The following CADM2 variants were observed in gnomAD, a reference collection of about 807,000 sequenced individuals.
CADM2 encodes the protein immunoglobulin superfamily member 4D.
Under a neutral mutation model 49.8 loss-of-function variants are expected in CADM2, and 12 were observed. That is an observed-to-expected ratio of 0.24 (90% confidence interval 0.15 to 0.39). The LOEUF is 0.39. Ranked by LOEUF, CADM2 falls within the 10% of genes least tolerant of loss-of-function variation. The pLI, the probability that CADM2 is intolerant of heterozygous loss-of-function variation, is 1.00. For missense variants in CADM2, 378 were observed against 492.3 expected, an observed-to-expected ratio of 0.77 and a Z score of 2.20; for synonymous variants, 214 against 175.4, an observed-to-expected ratio of 1.22 and a Z score of -1.74.
chr3:85,521,892 A>G (rs1284501329), intron 1 of CADM2, among the ~76,000 whole-genome samples: 1 of 152,024 alleles, frequency 6.6e-6, no homozygotes, highest in African/African-American at 2.4e-5. Flanking sequence ...ACTGAACCAC[A>G]CTTACTGATG....
At chr3:85,387,982 C>T (rs764595497) in intron 1 of CADM2, among the ~76,000 whole-genome samples, 1 of 152,112 alleles carries the variant, frequency 6.6e-6, no homozygotes, top group African/African-American at 2.4e-5. Flanking sequence ...AAGCTGCTCT[C>T]AGAATAGAAT....
At chr3:85,050,309 A>C (rs1317790656) in intron 1 of CADM2, among the ~76,000 whole-genome samples, 1 of 152,142 alleles carries the variant, frequency 6.6e-6, no homozygotes, top group Non-Finnish European at 1.5e-5. Flanking sequence ...CCCCACATGC[A>C]GAACACTTGT....
intron 1 of CADM2, among the ~76,000 whole-genome samples, chr3:85,574,703 T>C (rs1255393846): frequency 6.6e-6 from 1 of 152,186 alleles, no homozygotes; most frequent in Non-Finnish European, 1.5e-5. Flanking sequence ...ATATACCCAG[T>C]GTAAAATCCT....
intron 1 of CADM2, among the ~76,000 whole-genome samples, chr3:85,412,254 A>G (rs2035688276): frequency 6.6e-6 from 1 of 152,188 alleles, no homozygotes; most frequent in Admixed American, 6.5e-5. Context: ...CTTACCTCTC[A>G]AATGGATTAC....
chr3:84,959,005 C>CGCCGCTGCCGCT lies in CADM2; in HGVS notation c.-597_-586dup. 1 of 201,384 alleles carries CGCCGCTGCCGCT rather than the reference C, an allele frequency of 5.0e-6. No individual in the cohort carries two copies. The highest frequency in any genetic ancestry group is 6.8e-5 in the South Asian group (1 of 14,610). The allele number at this position is 201,384 out of a possible 1,614,324, so 12.5% of individuals were successfully genotyped here. ...TGGTGCTTCGTAGAGCTGCCGCCGT[C>CGCCGCTGCCGCT]GCCGCTGCCGCTGCCGCCACAGCCG... On this transcript the variant is annotated 5_prime_UTR_variant, in exon 1 of 10. Transcript: ENST00000383699.
At chr3:85,623,317 T>C (rs1010442570) in intron 1 of CADM2, among the ~76,000 whole-genome samples, 2 of 152,210 alleles carry the variant, frequency 1.3e-5, no homozygotes, top group African/African-American at 4.8e-5. Context: ...ATGTGCCTTT[T>C]CAAATGTATA....
intron 2 of CADM2, among the ~76,000 whole-genome samples, chr3:85,753,974 G>A (rs115869584): frequency 1.8e-3 from 268 of 152,264 alleles, no homozygotes; most frequent in African/African-American, 5.9e-3. Flanking sequence ...ATAGGTTGGC[G>A]TTCTTGCAGG....
intron 1 of CADM2, among the ~76,000 whole-genome samples, chr3:85,643,088 T>C (rs894184453): frequency 6.6e-6 from 1 of 152,174 alleles, no homozygotes; most frequent in African/African-American, 2.4e-5. Context: ...ATTATAATAT[T>C]GATTGTTCAT....
chr3:85,918,507 C>G (rs1028005627), intron 6 of CADM2, among the ~76,000 whole-genome samples: 1 of 152,166 alleles, frequency 6.6e-6, no homozygotes, highest in African/African-American at 2.4e-5. Context: ...ATGAAGCCCA[C>G]TTGATCATGG....
At chr3:85,603,251 T>C (rs1244122323) in intron 1 of CADM2, among the ~76,000 whole-genome samples, 1 of 151,960 alleles carries the variant, frequency 6.6e-6, no homozygotes, top group East Asian at 1.9e-4. Flanking sequence ...TGAGACTCTC[T>C]TTCCAGGCTG....
At chr3:85,659,569 T>G (rs2065334959) in intron 1 of CADM2, among the ~76,000 whole-genome samples, 1 of 152,052 alleles carries the variant, frequency 6.6e-6, no homozygotes, top group Admixed American at 6.6e-5. Flanking sequence ...TATTAGAAAT[T>G]TTCATTTTCT....
intron 1 of CADM2, among the ~76,000 whole-genome samples, chr3:85,694,263 G>C (rs2066481522): frequency 6.6e-6 from 1 of 152,184 alleles, no homozygotes; most frequent in African/African-American, 2.4e-5. Context: ...ACTGTATTTG[G>C]AGATAGGACC....
chr3:85,696,945 A>G (rs1003333545), intron 1 of CADM2, among the ~76,000 whole-genome samples: 1 of 151,784 alleles, frequency 6.6e-6, no homozygotes, highest in Non-Finnish European at 1.5e-5. Context: ...TCTTTAGAAA[A>G]TATTTTCATA....
intron 1 of CADM2, among the ~76,000 whole-genome samples, chr3:85,393,073 G>A (rs2034596637): frequency 8.2e-6 from 1 of 121,994 alleles, no homozygotes; most frequent in African/African-American, 2.9e-5. Context: ...AAACCTGGAG[G>A]CAAAAGTAAA....
At chr3:85,582,394 T>TG (rs2062824466) in intron 1 of CADM2, among the ~76,000 whole-genome samples, 1 of 151,872 alleles carries the variant, frequency 6.6e-6, no homozygotes, top group African/African-American at 2.4e-5. Flanking sequence ...TTCATTGATC[T>TG]GCTTGTTAAA....
chr3:85,465,625 A>C (rs2107598475), intron 1 of CADM2, among the ~76,000 whole-genome samples: 1 of 152,230 alleles, frequency 6.6e-6, no homozygotes, highest in South Asian at 2.1e-4. Flanking sequence ...TTTGTGCTTA[A>C]ATTTTATCTT....
chr3:85,917,234 T>C (rs1316377651), intron 6 of CADM2, among the ~76,000 whole-genome samples: 1 of 152,178 alleles, frequency 6.6e-6, no homozygotes, highest in Admixed American at 6.5e-5. Flanking sequence ...AGTCATGAAG[T>C]CCTTGCCCAT....
intron 1 of CADM2, among the ~76,000 whole-genome samples, chr3:85,107,699 C>CTT (rs1198690847): frequency 1.1e-5 from 1 of 92,778 alleles, no homozygotes; most frequent in African/African-American, 4.1e-5. Context: ...CTTTCTTTCT[C>CTT]TTTCTTTTTT....
At chr3:85,677,299 A>C (rs1243406276) in intron 1 of CADM2, among the ~76,000 whole-genome samples, 2 of 152,284 alleles carry the variant, frequency 1.3e-5, no homozygotes, top group East Asian at 1.9e-4. Flanking sequence ...ACAATTACTT[A>C]TGCCAAGTTT....
Sources: gnomAD v4.1 joint callset for allele counts (sites outside exome capture counted in the v4.1 genomes callset) on GRCh38, gnomAD v4.1.1 for gene constraint, MANE v1.5 for transcripts, NCBI Gene and HGNC (gene_info 2026-07-23, HGNC 2026-07-21) for gene names.